The following RBM20 variants were observed in gnomAD, a reference collection of about 807,000 sequenced individuals.
RBM20 encodes RNA-binding protein 20.
RBM20 carries 51 observed loss-of-function variants against 110.1 expected under a neutral mutation model. The observed-to-expected ratio is 0.46, with a 90% confidence interval of 0.37 to 0.59. RBM20 has a LOEUF of 0.59. RBM20 is among the 20% of genes least tolerant of loss of function. The probability of loss-of-function intolerance (pLI) is 0.00; values close to 1 mark genes in which losing one functional copy is unlikely to be tolerated. For missense variants in RBM20, 1,512 were observed against 1,574.9 expected (o/e 0.96, Z 0.68); for synonymous variants, 589 against 618.2 (o/e 0.95, Z 0.70).
intron 1 of RBM20, among the ~76,000 whole-genome samples, chr10:110,697,167 G>A (rs1205198263): frequency 6.6e-6 from 1 of 152,098 alleles, no homozygotes; most frequent in Non-Finnish European, 1.5e-5. Flanking sequence ...TTTAAAAGTT[G>A]GGGGATTTCA....
intron 1 of RBM20, among the ~76,000 whole-genome samples, chr10:110,779,210 G>T (rs1844305702): frequency 6.6e-6 from 1 of 152,216 alleles, no homozygotes; most frequent in Non-Finnish European, 1.5e-5. Context: ...AGGATGGAAG[G>T]GTTGGGACTT....
chr10:110,730,455 G>C (rs1827984543), intron 1 of RBM20, among the ~76,000 whole-genome samples: 2 of 152,310 alleles, frequency 1.3e-5, no homozygotes, highest in South Asian at 4.1e-4. Flanking sequence ...CAGCAGAAAT[G>C]AACACGGCTT....
At chr10:110,763,301 G>A (rs1844032254) in intron 1 of RBM20, among the ~76,000 whole-genome samples, 2 of 151,892 alleles carry the variant, frequency 1.3e-5, no homozygotes, top group South Asian at 4.2e-4. Context: ...GATACCCCAA[G>A]CCCCATCTCC....
intron 1 of RBM20, among the ~76,000 whole-genome samples, chr10:110,697,300 C>T (rs556606054): frequency 6.6e-6 from 1 of 152,368 alleles, no homozygotes; most frequent in East Asian, 1.9e-4. Context: ...CTGTTCCCCA[C>T]TGCTCACTCC....
intron 1 of RBM20, among the ~76,000 whole-genome samples, chr10:110,776,284 T>G (rs990814047): frequency 2.0e-5 from 3 of 152,244 alleles, no homozygotes; most frequent in African/African-American, 7.2e-5. Context: ...TGGAAGCCAC[T>G]TTTGCATCTA....
chr10:110,675,320 A>G (rs917649685), intron 1 of RBM20, among the ~76,000 whole-genome samples: 10 of 152,178 alleles, frequency 6.6e-5, no homozygotes, highest in Non-Finnish European at 1.2e-4. Flanking sequence ...GTTTGGGAGG[A>G]GGCTCCAAAG....
intron 1 of RBM20, among the ~76,000 whole-genome samples, chr10:110,692,458 C>G (rs75947956): frequency 0.024 from 3,709 of 152,046 alleles, 130 homozygotes; most frequent in African/African-American, 0.08. Context: ...GTGTAGAAGC[C>G]TTTCATCTCC....
chr10:110,821,974 T>C (rs1192654314), intron 11 of RBM20, 39 bp downstream of exon 11: 3 of 1,530,958 alleles, frequency 2.0e-6, no homozygotes, highest in Middle Eastern at 1.7e-4. Context: ...GTCGGGTTGA[T>C]TGGACTCCTG....
At chr10:110,796,294 CA>C (rs1844549351) in intron 5 of RBM20, among the ~76,000 whole-genome samples, 1 of 152,126 alleles carries the variant, frequency 6.6e-6, no homozygotes, top group Non-Finnish European at 1.5e-5. Context: ...TTTTTTATTG[CA>C]AAAATTTTTA....
At chr10:110,801,644 C>T (rs558188675) in intron 7 of RBM20, among the ~76,000 whole-genome samples, 1 of 151,624 alleles carries the variant, frequency 6.6e-6, no homozygotes, top group African/African-American at 2.4e-5. Flanking sequence ...AAGCAATTCT[C>T]CTTCCCCACC....
intron 1 of RBM20, among the ~76,000 whole-genome samples, chr10:110,740,518 AGC>A (rs1209593160): frequency 1.3e-5 from 2 of 151,824 alleles, no homozygotes; most frequent in African/African-American, 4.8e-5. Flanking sequence ...AGGTGTGTGG[AGC>A]TGCCTTTCAC....
At chr10:110,738,844 G>C (rs1211070271) in intron 1 of RBM20, among the ~76,000 whole-genome samples, 1 of 152,156 alleles carries the variant, frequency 6.6e-6, no homozygotes, top group Admixed American at 6.5e-5. Context: ...GGTTGGGGCT[G>C]CAGCCTTTGT....
At chr10:110,785,616 G>A (rs1242734007) in intron 5 of RBM20, among the ~76,000 whole-genome samples, 1 of 152,104 alleles carries the variant, frequency 6.6e-6, no homozygotes, top group East Asian at 1.9e-4. Context: ...AGCGTTTGTA[G>A]TATCACCTGC....
intron 12 of RBM20, among the ~76,000 whole-genome samples, chr10:110,826,850 C>G (rs577894195): frequency 2.0e-5 from 3 of 152,136 alleles, no homozygotes; most frequent in African/African-American, 7.2e-5. Context: ...GCCTCAGCCT[C>G]CCAAAGTGCT....
intron 1 of RBM20, among the ~76,000 whole-genome samples, chr10:110,746,702 T>C (rs1027506074): frequency 6.6e-6 from 1 of 152,252 alleles, no homozygotes; most frequent in Non-Finnish European, 1.5e-5. Context: ...AGGGTTGCAA[T>C]GGGCATTGGA....
rs1443028118 is a variant in RBM20, at chr10:110,831,129, G to A, written c.3520G>A (p.Glu1174Lys). 1 of 1,551,598 alleles carries A rather than the reference G, an allele frequency of 6.4e-7. No individual in the cohort carries two copies. The highest frequency in any genetic ancestry group is 2.0e-5 in the Admixed American group (1 of 50,994). Residue 1174 changes from glutamate to lysine, a missense_variant, in exon 13 of 14, where the codon GAG (glutamate) becomes AAG (lysine). This residue lies in a region of RBM20 where 358 missense variants were observed against 384.2 expected (regional missense o/e 0.93). Coordinates refer to ENST00000369519, the MANE Select transcript of RBM20 (RefSeq NM_001134363.3). The stretch of plus-strand genomic sequence containing the variant: ...GTGTGGGCTGTTCTACACGAGCGAG[G>A]AGACAGCAAAGATGAGCCACTGCCG... ...KLCGLFYTSE[E>K]TAKMSHCRSA...
chr10:110,720,817 C>T (rs1843496628), intron 1 of RBM20, among the ~76,000 whole-genome samples: 1 of 151,052 alleles, frequency 6.6e-6, no homozygotes, highest in African/African-American at 2.4e-5. Context: ...CCAGTCATTT[C>T]CCTCCTCTAC....
rs541866901 is a variant in RBM20, at chr10:110,707,742, T to C, written c.191+63097T>C. On this transcript the variant is annotated intron_variant, in intron 1 of 13. Coordinates refer to ENST00000369519, the MANE Select transcript of RBM20 (RefSeq NM_001134363.3). ...GAACTCATAGAGAGTAAAATGATGG[T>C]TACCAGAGGCTGGGAAGAGAGGGTA... Among the ~76,000 whole-genome samples the C allele has an allele frequency of 5.9e-5, 9 of 152,310 alleles. No individual in the cohort carries two copies. In the East Asian group the frequency reaches 1.7e-3, roughly 29 times the overall value.
intron 1 of RBM20, among the ~76,000 whole-genome samples, chr10:110,753,391 A>C (rs1377072824): frequency 6.6e-6 from 1 of 152,208 alleles, no homozygotes; most frequent in Non-Finnish European, 1.5e-5. Context: ...AAAGAACACC[A>C]ACAAAATATA....
Sources: gnomAD v4.1 joint callset for allele counts (sites outside exome capture counted in the v4.1 genomes callset) on GRCh38, gnomAD v4.1.1 for gene constraint, gnomAD v4.1.1 regional missense constraint, MANE v1.5 for transcripts, NCBI Gene and HGNC (gene_info 2026-07-23, HGNC 2026-07-21) for gene names.